The following PCDH9 variants were observed in gnomAD, a reference collection of about 807,000 sequenced individuals.
PCDH9 encodes protocadherin 9, also known as protocadherin-9.
Under a neutral mutation model 70.6 loss-of-function variants are expected in PCDH9, and 24 were observed. That is an observed-to-expected ratio of 0.34 (90% CI 0.25 to 0.48). PCDH9 has a LOEUF of 0.48. Among genes scored for constraint, PCDH9 ranks in the 20% least tolerant of loss-of-function variants. The pLI is 0.99. For missense variants in PCDH9, 1,281 were observed against 1,503.6 expected (o/e 0.85, Z 2.45); for synonymous variants, 562 against 558.5 (o/e 1.01, Z -0.09).
At chr13:66,698,250 A>G (rs1475042294) in intron 3 of PCDH9, among the ~76,000 whole-genome samples, 1 of 152,170 alleles carries the variant, frequency 6.6e-6, no homozygotes, top group African/African-American at 2.4e-5. Context: ...ACCAAACTGT[A>G]TTGAAAATGG....
rs566799585 is a variant in PCDH9 at position 66,401,422 on chromosome 13, C to T, written c.3341-96394G>A. 1.1e-4 allele frequency among the ~76,000 whole-genome samples: 17 copies of T among 152,060 alleles called. No individual in the cohort carries two copies. In the South Asian group the frequency reaches 3.5e-3, roughly 32 times the overall value. On this transcript the variant is annotated intron_variant, in intron 4 of 4. Transcript: ENST00000377865. Reference sequence around the variant, plus strand: ...TGTGAAGAAGTACATATTTGCTTCCCCTTCCACCATGATTGTAAATTTCCT... The same window carrying T: ...TGTGAAGAAGTACATATTTGCTTCCTCTTCCACCATGATTGTAAATTTCCT...
At chr13:66,465,868 T>TCTTA (rs936378357) in intron 4 of PCDH9, among the ~76,000 whole-genome samples, 1 of 151,876 alleles carries the variant, frequency 6.6e-6, no homozygotes, top group African/African-American at 2.4e-5. Context: ...TTCAATAAGC[T>TCTTA]CTTACTGAAG....
At chr13:67,154,352 G>A (rs1332412616) in intron 2 of PCDH9, among the ~76,000 whole-genome samples, 2 of 152,090 alleles carry the variant, frequency 1.3e-5, no homozygotes, top group Non-Finnish European at 2.9e-5. Flanking sequence ...CACTCTGGAA[G>A]GTGGGTGGAT....
intron 2 of PCDH9, among the ~76,000 whole-genome samples, chr13:66,978,131 G>A (rs140923303): frequency 6.6e-6 from 1 of 152,040 alleles, no homozygotes; most frequent in African/African-American, 2.4e-5. Context: ...ATAGTTTCAG[G>A]TTATTGATAG....
intron 3 of PCDH9, among the ~76,000 whole-genome samples, chr13:66,878,033 A>G (rs180899999): frequency 2.0e-5 from 3 of 152,274 alleles, no homozygotes; most frequent in Admixed American, 2.0e-4. Flanking sequence ...TCAATCTAAG[A>G]GATTTTTTAA....
rs183182087 is a variant in PCDH9 at position 66,416,228 on chromosome 13, C to A, written c.3341-111200G>T. On this transcript the variant is annotated intron_variant, in intron 4 of 4. Transcript: ENST00000377865. ...CATCTTCTCCTTCAATGATAGCAAT[C>A]AAAGTCCAAAGGAGATAACGTCTGG... Among the ~76,000 whole-genome samples, 487 of 150,624 alleles carry A rather than the reference C, an allele frequency of 3.2e-3. 1 individual carries two copies. Among genetic ancestry groups the A allele is most frequent in the Non-Finnish European group, 4.9e-3 (329 of 67,782 alleles).
intron 4 of PCDH9, among the ~76,000 whole-genome samples, chr13:66,342,278 T>C (rs1021222467): frequency 3.3e-5 from 5 of 152,220 alleles, no homozygotes; most frequent in African/African-American, 1.2e-4. Context: ...GAATTGCTAC[T>C]ATTTCATTTT....
chr13:66,796,745 G>C (rs2080248098), intron 3 of PCDH9, among the ~76,000 whole-genome samples: 1 of 152,064 alleles, frequency 6.6e-6, no homozygotes, highest in Non-Finnish European at 1.5e-5. Context: ...GAAGCACAAA[G>C]CCTAGGAGAT....
intron 4 of PCDH9, among the ~76,000 whole-genome samples, chr13:66,478,268 CCTTT>C (rs1225092433): frequency 6.6e-6 from 1 of 152,146 alleles, no homozygotes; most frequent in East Asian, 1.9e-4. Context: ...CATTCCCCAG[CCTTT>C]CTTTATTTCC....
At chr13:66,313,303 G>C (rs1456524837) in intron 4 of PCDH9, among the ~76,000 whole-genome samples, 2 of 152,038 alleles carry the variant, frequency 1.3e-5, no homozygotes, top group African/African-American at 4.8e-5. Flanking sequence ...TCTTGTATTA[G>C]TATTTCACGT....
chr13:66,963,912 T>C (rs2083390548), intron 2 of PCDH9, among the ~76,000 whole-genome samples: 1 of 152,094 alleles, frequency 6.6e-6, no homozygotes, highest in Non-Finnish European at 1.5e-5. Context: ...TGTAACATGT[T>C]AGATGTTCTC....
At chr13:66,506,380 C>G (rs1959214266) in intron 4 of PCDH9, among the ~76,000 whole-genome samples, 1 of 152,176 alleles carries the variant, frequency 6.6e-6, no homozygotes, top group African/African-American at 2.4e-5. Flanking sequence ...TGTTATTTCT[C>G]ATTCTTCCCT....
intron 2 of PCDH9, among the ~76,000 whole-genome samples, chr13:67,018,601 G>C (rs1411931184): frequency 7.4e-6 from 1 of 135,312 alleles, no homozygotes; most frequent in Admixed American, 8.3e-5. Context: ...CCTGGCAACA[G>C]AGCGAGACTC....
intron 4 of PCDH9, among the ~76,000 whole-genome samples, chr13:66,539,870 C>CTTT (rs57344938): frequency 1.2e-5 from 1 of 83,616 alleles, no homozygotes; most frequent in African/African-American, 4.8e-5. Context: ...TCTTTTTTTC[C>CTTT]TTTTTTTTTT....
At chr13:66,751,984 A>T (rs36126631) in intron 3 of PCDH9, among the ~76,000 whole-genome samples, 48,395 of 151,828 alleles carry the variant, frequency 0.32, 7,945 homozygotes, top group East Asian at 0.44. Context: ...TGGTTTTTTT[A>T]AAAAAGGGAG....
intron 2 of PCDH9, chr13:67,222,295 A>T (rs940796774): frequency 1.3e-5 from 2 of 151,680 alleles, no homozygotes; most frequent in African/African-American, 2.4e-5. Flanking sequence ...GCCAAAAAAA[A>T]AAAAGTAAAT....
At chr13:66,791,456 T>C (rs1417293322) in intron 3 of PCDH9, among the ~76,000 whole-genome samples, 1 of 152,154 alleles carries the variant, frequency 6.6e-6, no homozygotes, top group Non-Finnish European at 1.5e-5. Context: ...ATAAAGATTT[T>C]GTGATTTATA....
chr13:67,154,639 CA>C (rs2087761635), intron 2 of PCDH9, among the ~76,000 whole-genome samples: 1 of 131,868 alleles, frequency 7.6e-6, no homozygotes, highest in African/African-American at 2.7e-5. Flanking sequence ...CACACACACA[CA>C]CACACATACA....
chr13:66,863,889 T>C (rs1365359698), intron 3 of PCDH9, among the ~76,000 whole-genome samples: 2 of 152,082 alleles, frequency 1.3e-5, no homozygotes, highest in Non-Finnish European at 2.9e-5. Flanking sequence ...GGGTAATTTA[T>C]AAAGGAAAGA....
Sources: gnomAD v4.1 joint callset for allele counts (sites outside exome capture counted in the v4.1 genomes callset) on GRCh38, gnomAD v4.1.1 for gene constraint, MANE v1.5 for transcripts, NCBI Gene and HGNC (gene_info 2026-07-23, HGNC 2026-07-21) for gene names.